The following ROBO1 variants were observed in gnomAD, a reference collection of about 807,000 sequenced individuals.
ROBO1 encodes the protein roundabout guidance receptor 1.
In ROBO1, 149 loss-of-function variants were observed where a neutral mutation model predicts 195.9. The observed-to-expected ratio is 0.76, with a 90% CI of 0.67 to 0.87. The LOEUF (loss-of-function observed/expected upper bound fraction) is 0.87. Ranked by LOEUF, ROBO1 falls within the 40% of genes least tolerant of loss-of-function variation. The pLI, the probability that ROBO1 is intolerant of heterozygous loss-of-function variation, is 0.00. For synonymous variants in ROBO1, 816 were observed against 733.2 expected (o/e 1.11, Z -1.82); for missense variants, 1,933 against 2,068.3 (o/e 0.93, Z 1.27).
At chr3:79,395,065 T>C (rs1171828983) in intron 2 of ROBO1, among the ~76,000 whole-genome samples, 1 of 151,820 alleles carries the variant, frequency 6.6e-6, no homozygotes, top group East Asian at 1.9e-4. Context: ...GGCTCACGCC[T>C]GTAATCCCAG....
At chr3:79,525,570 T>A (rs13080611) in intron 2 of ROBO1, among the ~76,000 whole-genome samples, 106,482 of 144,860 alleles carry the variant, frequency 0.74, 40,131 homozygotes, top group African/African-American at 0.92. Flanking sequence ...ATATATATAT[T>A]TTTTTTGGTA....
chr3:79,340,126 T>C (rs1275596635), intron 2 of ROBO1, among the ~76,000 whole-genome samples: 2 of 152,188 alleles, frequency 1.3e-5, no homozygotes, highest in Non-Finnish European at 2.9e-5. Context: ...TCACTCATTT[T>C]TCAAAACCAA....
intron 2 of ROBO1, among the ~76,000 whole-genome samples, chr3:79,363,324 T>C (rs1485718874): frequency 6.6e-6 from 1 of 152,218 alleles, no homozygotes; most frequent in African/African-American, 2.4e-5. Flanking sequence ...TTGATCCTTT[T>C]GTATCTCTAA....
chr3:78,728,457 TA>T (rs11338908), intron 5 of ROBO1, among the ~76,000 whole-genome samples: 143,749 of 148,652 alleles, frequency 0.97, 69,513 homozygotes, highest in East Asian at 1. Context: ...TTCTAGGTTA[TA>T]AAAAAAAAAA....
chr3:79,631,650 TA>T, intron 1 of ROBO1, among the ~76,000 whole-genome samples: 1 of 152,108 alleles, frequency 6.6e-6, no homozygotes, highest in East Asian at 1.9e-4. Context: ...TCAATTACTC[TA>T]AAAAGCTTCT....
intron 4 of ROBO1, among the ~76,000 whole-genome samples, chr3:78,766,088 A>C (rs990363002): frequency 1.3e-5 from 2 of 152,166 alleles, no homozygotes; most frequent in Non-Finnish European, 2.9e-5. Context: ...TTTTGACCAC[A>C]TTTCCAACAA....
chr3:79,765,737 T>C (rs958699179), intron 1 of ROBO1, among the ~76,000 whole-genome samples: 1 of 152,180 alleles, frequency 6.6e-6, no homozygotes, highest in Non-Finnish European at 1.5e-5. Context: ...TGGCATTGTC[T>C]TCCCCCAGGT....
intron 2 of ROBO1, among the ~76,000 whole-genome samples, chr3:79,220,001 T>C (rs1397517342): frequency 6.6e-6 from 1 of 151,996 alleles, no homozygotes; most frequent in East Asian, 1.9e-4. Flanking sequence ...TGAAGACTAA[T>C]CTAGAAAGAA....
chr3:79,091,287 C>T (rs1339392563), intron 3 of ROBO1, among the ~76,000 whole-genome samples: 1 of 151,978 alleles, frequency 6.6e-6, no homozygotes, highest in African/African-American at 2.4e-5. Flanking sequence ...TGAGACTGTC[C>T]ATTGCACTAT....
At chr3:78,838,065 T>C (rs2032893886) in intron 4 of ROBO1, among the ~76,000 whole-genome samples, 1 of 152,198 alleles carries the variant, frequency 6.6e-6, no homozygotes, top group South Asian at 2.1e-4. Context: ...GTAATAGTAC[T>C]GAATATTTAC....
chr3:78,971,459 A>C (rs1320043737), intron 3 of ROBO1, among the ~76,000 whole-genome samples: 1 of 152,170 alleles, frequency 6.6e-6, no homozygotes, highest in Non-Finnish European at 1.5e-5. Flanking sequence ...TGTGGCTCCA[A>C]CTATGTTCAT....
chr3:79,089,941 T>TTC (rs1553680601), intron 3 of ROBO1, among the ~76,000 whole-genome samples: 413 of 16,964 alleles, frequency 0.024, no homozygotes, highest in African/African-American at 0.036. Flanking sequence ...TATTCTTTCT[T>TTC]TTTTTTTTTT....
intron 3 of ROBO1, among the ~76,000 whole-genome samples, chr3:79,033,965 T>C (rs2078339543): frequency 6.6e-6 from 1 of 152,148 alleles, no homozygotes; most frequent in East Asian, 1.9e-4. Flanking sequence ...TTTTTCACTA[T>C]GGCTTCCCTG....
intron 2 of ROBO1, among the ~76,000 whole-genome samples, chr3:79,159,979 G>GA (rs1463986577): frequency 1.4e-4 from 21 of 152,076 alleles, no homozygotes; most frequent in East Asian, 3.9e-4. Context: ...ATATGTCTGA[G>GA]AAAAAATCAC....
intron 3 of ROBO1, among the ~76,000 whole-genome samples, chr3:79,054,274 G>A (rs2078760536): frequency 6.6e-6 from 1 of 152,200 alleles, no homozygotes; most frequent in East Asian, 1.9e-4. Flanking sequence ...CGTGCCCCAG[G>A]CCAAGCTCCT....
intron 5 of ROBO1, among the ~76,000 whole-genome samples, chr3:78,725,198 T>C (rs1452357834): frequency 6.6e-6 from 1 of 152,114 alleles, no homozygotes; most frequent in Non-Finnish European, 1.5e-5. Context: ...AGACAGTGCT[T>C]AAAGAGGCCC....
At chr3:78,747,196 T>A (rs573186065) in intron 4 of ROBO1, among the ~76,000 whole-genome samples, 1 of 152,316 alleles carries the variant, frequency 6.6e-6, no homozygotes, top group South Asian at 2.1e-4. Context: ...GCATTTCTTT[T>A]CTGCCTGCTG....
intron 2 of ROBO1, among the ~76,000 whole-genome samples, chr3:79,466,831 G>A (rs1279196713): frequency 6.6e-6 from 1 of 152,108 alleles, no homozygotes; most frequent in Non-Finnish European, 1.5e-5. Context: ...TTGCAAAAGG[G>A]TATCAAAAAT....
At chr3:79,554,593 TG>T (rs1333039623) in intron 2 of ROBO1, among the ~76,000 whole-genome samples, 9 of 151,978 alleles carry the variant, frequency 5.9e-5, no homozygotes, top group African/African-American at 2.2e-4. Flanking sequence ...ATCCAAAACT[TG>T]GAATGTGCTG....
Sources: allele counts gnomAD v4.1 joint callset (sites outside exome capture counted in the v4.1 genomes callset), GRCh38; gene constraint gnomAD v4.1.1; transcripts MANE v1.5; gene names NCBI Gene and HGNC (gene_info 2026-07-23, HGNC 2026-07-21).